Variants in HEPHL1 observed in about 807,000 individuals in gnomAD.
The protein encoded by HEPHL1 is ferroxidase HEPHL1.
Under a neutral mutation model 122.0 loss-of-function variants are expected in HEPHL1, and 123 were observed. That is an observed-to-expected ratio of 1.01 (90% confidence interval 0.87 to 1.17). The LOEUF (loss-of-function observed/expected upper bound fraction) is 1.17, where lower values mean the gene tolerates loss of function less well. Ranked by LOEUF, HEPHL1 falls within the 50% of genes most tolerant of loss-of-function variation. The pLI, the probability that HEPHL1 is intolerant of heterozygous loss-of-function variation, is 0.00. For synonymous variants in HEPHL1, 527 were observed against 508.9 expected, an observed-to-expected ratio of 1.04 and a Z score of -0.48; for missense variants, 1,452 against 1,430.5, an observed-to-expected ratio of 1.01 and a Z score of -0.24.
intron 16 of HEPHL1, among the ~76,000 whole-genome samples, chr11:94,105,475 C>G (rs1259139898): frequency 6.6e-6 from 1 of 152,198 alleles, no homozygotes; most frequent in African/African-American, 2.4e-5. Flanking sequence ...GAGTGGGAGT[C>G]ACCATCATGT....
intron 13 of HEPHL1, 52 bp downstream of exon 13, chr11:94,093,692 C>T (rs1946281145): frequency 3.2e-6 from 5 of 1,577,112 alleles, no homozygotes. Context: ...TGTGCATGCA[C>T]ACATACTCAT....
chr11:94,044,542 A>G (rs2511386), intron 1 of HEPHL1, among the ~76,000 whole-genome samples: 54,450 of 151,838 alleles, frequency 0.36, 10,537 homozygotes, highest in Admixed American at 0.45. Context: ...CTATCTCCGG[A>G]ACTTACCTGC....
intron 10 of HEPHL1, 52 bp from the exon 11 acceptor site, chr11:94,085,925 C>T (rs1333572216): frequency 7.7e-7 from 1 of 1,301,430 alleles, no homozygotes; most frequent in Non-Finnish European, 1.1e-6. Flanking sequence ...TTTGAAGCTC[C>T]CCTGCCCCAT....
At chr11:94,074,159 G>C (rs189699655) in intron 8 of HEPHL1, among the ~76,000 whole-genome samples, 101 of 152,182 alleles carry the variant, frequency 6.6e-4, no homozygotes, top group African/African-American at 2.4e-3. Context: ...AGGTTTTGTG[G>C]TGATAGTGAG....
intron 1 of HEPHL1, 99 bp from the exon 2 acceptor site, chr11:94,045,574 T>C: frequency 2.0e-6 from 2 of 1,018,118 alleles, no homozygotes; most frequent in Non-Finnish European, 2.8e-6. Flanking sequence ...GAACACCAAA[T>C]GAGAGGTCAT....
chr11:94,067,171 G>T lies in HEPHL1; in HGVS notation c.809-325G>T, dbSNP rs79466602. Among the ~76,000 whole-genome samples, 785 of 152,260 alleles carry T rather than the reference G, an allele frequency of 5.2e-3. 6 individuals carry two copies. Among genetic ancestry groups the T allele is most frequent in the African/African-American group, 0.017 (725 of 41,560 alleles). On this transcript the variant is annotated intron_variant, in intron 4 of 19. Transcript: ENST00000315765. ...ATGCCAGTGAAGGATTATGACAGAA[G>T]GTGACTGAGCCTCCTGTAAATATGA...
chr11:94,062,406 T>C (rs1026089517), intron 2 of HEPHL1, among the ~76,000 whole-genome samples: 1 of 152,236 alleles, frequency 6.6e-6, no homozygotes, highest in Non-Finnish European at 1.5e-5. Flanking sequence ...CACGCTTTCA[T>C]GGTAGAATTT....
intron 11 of HEPHL1, among the ~76,000 whole-genome samples, chr11:94,087,317 A>G (rs1230218075): frequency 6.6e-6 from 1 of 152,154 alleles, no homozygotes; most frequent in East Asian, 1.9e-4. Context: ...TAATTTTAGA[A>G]ATGGAGCTAC....
intron 1 of HEPHL1, among the ~76,000 whole-genome samples, chr11:94,022,886 A>C (rs1252135479): frequency 1.3e-5 from 2 of 152,210 alleles, no homozygotes; most frequent in African/African-American, 4.8e-5. Context: ...TGGGGATAAG[A>C]ATGTTGAAAG....
chr11:94,027,864 G>A (rs1377813046), intron 1 of HEPHL1, among the ~76,000 whole-genome samples: 1 of 152,178 alleles, frequency 6.6e-6, no homozygotes, highest in African/African-American at 2.4e-5. Context: ...CATCCAGATG[G>A]TATTAAAAAT....
chr11:94,037,915 T>C lies in HEPHL1; in HGVS notation c.171-7758T>C, dbSNP rs528105829. 7.3e-3 allele frequency among the ~76,000 whole-genome samples: 1,105 copies of C among 151,480 alleles called. 9 individuals are homozygous for C. Among genetic ancestry groups the C allele is most frequent in the Admixed American group, 0.012 (177 of 15,246 alleles). On this transcript the variant is annotated intron_variant, in intron 1 of 19. Transcript: ENST00000315765. Reference sequence around the variant, plus strand: ...CAGAAGAAGGCTTCAGACGATCAAATTACTCTGAGCTACGGGAGGACATTC... The same window carrying C: ...CAGAAGAAGGCTTCAGACGATCAAACTACTCTGAGCTACGGGAGGACATTC...
chr11:94,038,100 G>A (rs202170919), intron 1 of HEPHL1, among the ~76,000 whole-genome samples: 5,333 of 147,954 alleles, frequency 0.036, 183 homozygotes, highest in East Asian at 0.16. Flanking sequence ...CGATGCGATC[G>A]ACTGGAAGAA....
intron 13 of HEPHL1, among the ~76,000 whole-genome samples, chr11:94,098,038 G>A (rs921683524): frequency 2.0e-5 from 3 of 152,186 alleles, no homozygotes; most frequent in African/African-American, 7.2e-5. Flanking sequence ...ATTGTTATGT[G>A]TGAATTTGAT....
chr11:94,085,927 C>A, intron 10 of HEPHL1, 50 bp from the exon 11 acceptor site: 1 of 1,325,148 alleles, frequency 7.5e-7, no homozygotes, highest in Non-Finnish European at 1.1e-6. Flanking sequence ...TGAAGCTCCC[C>A]TGCCCCATAC....
chr11:94,023,007 C>G (rs1268803915), intron 1 of HEPHL1, among the ~76,000 whole-genome samples: 1 of 152,214 alleles, frequency 6.6e-6, no homozygotes, highest in Non-Finnish European at 1.5e-5. Flanking sequence ...GCCCACGTCA[C>G]TATAGCTGTG....
intron 1 of HEPHL1, among the ~76,000 whole-genome samples, chr11:94,025,277 C>T (rs973616173): frequency 6.6e-6 from 1 of 152,148 alleles, no homozygotes; most frequent in Non-Finnish European, 1.5e-5. Flanking sequence ...AAATATACTT[C>T]TCCTCCTCCT....
At chr11:94,046,014 G>T in intron 2 of HEPHL1, 97 bp downstream of exon 2, 2 of 958,846 alleles carry the variant, frequency 2.1e-6, no homozygotes, top group Non-Finnish European at 3.0e-6. Flanking sequence ...TTGATTACAT[G>T]GATATATTTA....
intron 1 of HEPHL1, among the ~76,000 whole-genome samples, chr11:94,042,615 T>G (rs1489460693): frequency 2.0e-5 from 3 of 150,396 alleles, no homozygotes; most frequent in Non-Finnish European, 4.4e-5. Context: ...CTCAGTAAAC[T>G]ATCGCGAGAA....
intron 13 of HEPHL1, among the ~76,000 whole-genome samples, chr11:94,098,250 G>T (rs199975437): frequency 6.6e-6 from 1 of 152,116 alleles, no homozygotes; most frequent in African/African-American, 2.4e-5. Context: ...GTCTGTAAAG[G>T]ATTTTATTTC....
Sources: allele counts gnomAD v4.1 joint callset (sites outside exome capture counted in the v4.1 genomes callset), GRCh38; gene constraint gnomAD v4.1.1; transcripts MANE v1.5; gene names NCBI Gene and HGNC (gene_info 2026-07-23, HGNC 2026-07-21).